PLGRKT: variants seen among roughly 807,000 people sequenced by gnomAD.
PLGRKT encodes the protein plasminogen receptor (KT).
A neutral mutation model predicts 18.5 loss-of-function variants in PLGRKT; 22 were observed. The observed-to-expected ratio is 1.19, with a 90% confidence interval of 0.85 to 1.70. The LOEUF (loss-of-function observed/expected upper bound fraction) is 1.70, where lower values mean the gene tolerates loss of function less well. Among genes scored for constraint, PLGRKT ranks in the 40% most tolerant of loss-of-function variants. PLGRKT has a pLI of 0.00. For missense variants in PLGRKT, 235 were observed against 174.4 expected, an observed-to-expected ratio of 1.35 and a Z score of -1.96; for synonymous variants, 72 against 52.8, an observed-to-expected ratio of 1.36 and a Z score of -1.58.
intron 3 of PLGRKT, among the ~76,000 whole-genome samples, chr9:5,398,123 C>A (rs1818088848): frequency 6.6e-6 from 1 of 151,720 alleles, no homozygotes; most frequent in Non-Finnish European, 1.5e-5. Flanking sequence ...AATAAGATCC[C>A]TTCCAAGTGG....
rs1273083486 is a variant in PLGRKT, at chr9:5,395,972, C to T, written c.82-34084G>A. 2.0e-5 allele frequency among the ~76,000 whole-genome samples: 3 copies of T among 149,978 alleles called. No individual in the cohort carries two copies. In the Admixed American group the frequency reaches 2.0e-4, roughly 10 times the overall value. ...GAGGTGGCACAATCTTGGTTCACTGCAACCTCCACCTCCCGAGTTCAAGCG... is the reference window on the plus strand; with the variant it reads ...GAGGTGGCACAATCTTGGTTCACTGTAACCTCCACCTCCCGAGTTCAAGCG... On this transcript the variant is annotated intron_variant, in intron 3 of 5. Coordinates refer to ENST00000223864, the MANE Select transcript of PLGRKT (RefSeq NM_018465.4).
rs1817886890 is a variant in PLGRKT at position 5,388,472 on chromosome 9, AACTC to A, written c.82-26588_82-26585del. On this transcript the variant is annotated intron_variant, in intron 3 of 5. Coordinates refer to ENST00000223864, the MANE Select transcript of PLGRKT (RefSeq NM_018465.4). ...CAGATGATACATAAAAATCTATATAAACTCACTATTCTTGCCAAGAGATCATATT... is the reference window on the plus strand; with the variant it reads ...CAGATGATACATAAAAATCTATATAAACTATTCTTGCCAAGAGATCATATT... Among the ~76,000 whole-genome samples the A allele has an allele frequency of 1.3e-5, 2 of 152,028 alleles. 1 individual carries two copies. Among genetic ancestry groups the A allele is most frequent in the African/African-American group, 4.8e-5 (2 of 41,258 alleles).
intron 3 of PLGRKT, among the ~76,000 whole-genome samples, chr9:5,391,972 C>G (rs1175664647): frequency 6.6e-6 from 1 of 151,868 alleles, no homozygotes; most frequent in Non-Finnish European, 1.5e-5. Context: ...CAAGGATGCA[C>G]AGAGAGGAGA....
chr9:5,402,654 G>A (rs758177433), intron 3 of PLGRKT, among the ~76,000 whole-genome samples: 34 of 152,042 alleles, frequency 2.2e-4, no homozygotes, highest in Non-Finnish European at 4.4e-4. Flanking sequence ...GGAGGAGCCA[G>A]GTGGGCAGGT....
At chr9:5,438,298 C>T (rs747816781), upstream of PLGRKT, among the ~76,000 whole-genome samples, 2 of 152,226 alleles carry the variant, frequency 1.3e-5, no homozygotes, top group African/African-American at 2.4e-5. Context: ...CAATTTCTAT[C>T]TTGAATAAGC....
At chr9:5,405,677 C>A (rs570870676) in intron 3 of PLGRKT, among the ~76,000 whole-genome samples, 1 of 152,160 alleles carries the variant, frequency 6.6e-6, no homozygotes, top group East Asian at 1.9e-4. Context: ...CTAGGCAATA[C>A]TATTTAGGAC....
At chr9:5,379,896 T>A (rs1817704519) in intron 3 of PLGRKT, among the ~76,000 whole-genome samples, 1 of 152,166 alleles carries the variant, frequency 6.6e-6, no homozygotes, top group Non-Finnish European at 1.5e-5. Context: ...TAATTTCATG[T>A]CCGGGAAGTT....
At chr9:5,399,182 G>A (rs918416476) in intron 3 of PLGRKT, among the ~76,000 whole-genome samples, 2 of 151,734 alleles carry the variant, frequency 1.3e-5, no homozygotes, top group Non-Finnish European at 2.9e-5. Context: ...GCTTCCTGGA[G>A]TCTCATATTT....
At chr9:5,395,982 C>T (rs1818039052) in intron 3 of PLGRKT, among the ~76,000 whole-genome samples, 1 of 151,106 alleles carries the variant, frequency 6.6e-6, no homozygotes, top group Admixed American at 6.6e-5. Flanking sequence ...CAACCTCCAC[C>T]TCCCGAGTTC....
chr9:5,394,315 A>G (rs563929462), intron 3 of PLGRKT, among the ~76,000 whole-genome samples: 1 of 152,044 alleles, frequency 6.6e-6, no homozygotes, highest in East Asian at 1.9e-4. Context: ...AGAGAAAAGA[A>G]CAAGGTAAAT....
At chr9:5,412,437 C>A (rs1818383274) in intron 3 of PLGRKT, among the ~76,000 whole-genome samples, 1 of 152,184 alleles carries the variant, frequency 6.6e-6, no homozygotes, top group South Asian at 2.1e-4. Flanking sequence ...GCTCTGCCCT[C>A]ATGAATAAAT....
chr9:5,393,879 A>C (rs1330640245), intron 3 of PLGRKT, among the ~76,000 whole-genome samples: 10 of 152,050 alleles, frequency 6.6e-5, no homozygotes, highest in Middle Eastern at 3.4e-3. Context: ...AATAAGAAAA[A>C]GGCCTATCAA....
intron 3 of PLGRKT, among the ~76,000 whole-genome samples, chr9:5,428,421 G>A (rs563454852): frequency 6.6e-6 from 1 of 152,184 alleles, no homozygotes; most frequent in Non-Finnish European, 1.5e-5. Flanking sequence ...GGGAAGGCAA[G>A]TATGCTAAGC....
At chr9:5,428,928 T>C (rs942332761) in intron 3 of PLGRKT, among the ~76,000 whole-genome samples, 5 of 152,208 alleles carry the variant, frequency 3.3e-5, no homozygotes, top group African/African-American at 9.7e-5. Context: ...TCTTGAATTC[T>C]TGGGCTCAAG....
intron 4 of PLGRKT, 100 bp downstream of exon 4, chr9:5,361,658 T>A: frequency 8.5e-7 from 1 of 1,177,928 alleles, no homozygotes; most frequent in Non-Finnish European, 1.2e-6. Flanking sequence ...CATACACTAT[T>A]TGGACCAAAG....
chr9:5,438,080 T>C (rs1818998014), upstream of PLGRKT, among the ~76,000 whole-genome samples: 1 of 152,164 alleles, frequency 6.6e-6, no homozygotes, highest in Admixed American at 6.5e-5. Context: ...TGCCAGATTT[T>C]TGAGATGAGG....
At chr9:5,406,240 C>T (rs1168632136) in intron 3 of PLGRKT, among the ~76,000 whole-genome samples, 1 of 152,090 alleles carries the variant, frequency 6.6e-6, no homozygotes. Flanking sequence ...ACCATTTGAC[C>T]CAGCAATCCC....
rs984135390 is a variant in PLGRKT at position 5,383,228 on chromosome 9, A to C, written c.82-21340T>G. On this transcript the variant is annotated intron_variant, in intron 3 of 5. Coordinates refer to ENST00000223864, the MANE Select transcript of PLGRKT (RefSeq NM_018465.4). ...AAGGCAAAGAAGGATTCTCCCCTAG[A>C]GCCTTCAGAGAGACGGTGGGCTTGC... 7.2e-5 allele frequency among the ~76,000 whole-genome samples: 11 copies of C among 152,204 alleles called. 1 individual carries two copies. Among genetic ancestry groups the C allele is most frequent in the Admixed American group, 6.5e-4 (10 of 15,274 alleles).
In PLGRKT at chr9:5,397,578, G is replaced by A. The variant is rs2014370; in HGVS notation, c.81+34319C>T. Among the ~76,000 whole-genome samples, 9 of 151,410 alleles carry A rather than the reference G, an allele frequency of 5.9e-5. No individual in the cohort carries two copies. The South Asian group carries it at 1.5e-3, about 24-fold the overall frequency. The stretch of plus-strand genomic sequence containing the variant: ...GAGGGAAGGAAAGAAAGAAGGGATG[G>A]AGGGTGGGGGAAAGAAACAGGGAAA... On this transcript the variant is annotated intron_variant, in intron 3 of 5. Transcript: ENST00000223864.
Sources: allele counts gnomAD v4.1 joint callset (sites outside exome capture counted in the v4.1 genomes callset), GRCh38; gene constraint gnomAD v4.1.1; transcripts MANE v1.5; gene names NCBI Gene and HGNC (gene_info 2026-07-23, HGNC 2026-07-21).